ATP11C: variants seen among roughly 807,000 people sequenced by gnomAD.
ATP11C encodes phospholipid-transporting ATPase IG.
A neutral mutation model predicts 97.4 loss-of-function variants in ATP11C; 36 were observed. The observed-to-expected ratio is 0.37, with a 90% CI of 0.28 to 0.49. The LOEUF (loss-of-function observed/expected upper bound fraction) is 0.49. ATP11C is among the 20% of genes least tolerant of loss of function. ATP11C has a pLI of 0.98. For synonymous variants in ATP11C, 275 were observed against 290.9 expected (o/e 0.95, Z 0.56); for missense variants, 730 against 824.6 (o/e 0.89, Z 1.40).
In ATP11C at chrX:139,888,229, GT is replaced by G. The variant is rs111331719; in HGVS notation, c.27+43786del. On this transcript the variant is annotated intron_variant, in intron 1 of 29. Transcript: ENST00000682941. ...GCTCATTGCAACCTCTGCCTCCCGG[GT>G]TCAGGTGATTCTCCTGCCTCAGCCT... 2.8e-3 allele frequency among the ~76,000 whole-genome samples: 303 copies of G among 107,527 alleles called. 2 individuals carry two copies. Among genetic ancestry groups the G allele is most frequent in the African/African-American group, 8.7e-3 (256 of 29,549 alleles). The allele number at this position is 107,527 out of a possible 115,157, so 93.4% of individuals were successfully genotyped here.
chrX:139,779,507 G>A (rs1484413501), intron 18 of ATP11C, among the ~76,000 whole-genome samples: 2 of 111,739 alleles, frequency 1.8e-5, no homozygotes, highest in African/African-American at 3.3e-5. Context: ...ATGAAATTAA[G>A]GCAGAAACCA....
At chrX:139,888,372 AT>A (rs1338111838) in intron 1 of ATP11C, among the ~76,000 whole-genome samples, 1 of 110,623 alleles carries the variant, frequency 9.0e-6, no homozygotes, top group Non-Finnish European at 1.9e-5. Context: ...ACCTCAAGTA[AT>A]CTGCCCACCT....
At chrX:139,860,036 C>T (rs1250227871) in intron 1 of ATP11C, among the ~76,000 whole-genome samples, 2 of 69,882 alleles carry the variant, frequency 2.9e-5, no homozygotes, top group Non-Finnish European at 4.2e-5. Flanking sequence ...ACCCGGGAGG[C>T]GGAGCTTGCA....
At chrX:139,861,981 C>G (rs1319743354) in intron 1 of ATP11C, among the ~76,000 whole-genome samples, 4 of 111,739 alleles carry the variant, frequency 3.6e-5, no homozygotes, top group African/African-American at 1.3e-4. Context: ...GGACCCTGTC[C>G]CATACCCTAA....
intron 1 of ATP11C, among the ~76,000 whole-genome samples, chrX:139,871,099 G>A (rs1569483432): frequency 1.8e-5 from 2 of 108,182 alleles, no homozygotes; most frequent in South Asian, 4.0e-4. Flanking sequence ...CACGCACTGT[G>A]TATATGTGTG....
At chrX:139,781,153 A>T (rs1462922952) in intron 18 of ATP11C, among the ~76,000 whole-genome samples, 1 of 111,866 alleles carries the variant, frequency 8.9e-6, no homozygotes, top group Non-Finnish European at 1.9e-5. Context: ...AAAGACGACA[A>T]GAGAAAAACG....
At chrX:139,881,383 C>A (rs1298263174) in intron 1 of ATP11C, among the ~76,000 whole-genome samples, 1 of 111,060 alleles carries the variant, frequency 9.0e-6, no homozygotes, top group Admixed American at 9.6e-5. Context: ...TGGGCTGTAT[C>A]TCCAGTTGCT....
At chrX:139,896,923 G>C (rs2084819044) in intron 1 of ATP11C, among the ~76,000 whole-genome samples, 1 of 111,056 alleles carries the variant, frequency 9.0e-6, no homozygotes, top group African/African-American at 3.3e-5. Flanking sequence ...TCTAATGTAA[G>C]ATGTTAATAA....
intron 1 of ATP11C, among the ~76,000 whole-genome samples, chrX:139,853,085 G>C (rs1334835471): frequency 9.0e-6 from 1 of 111,396 alleles, no homozygotes; most frequent in Non-Finnish European, 1.9e-5. Flanking sequence ...CAGGCAAGGC[G>C]AGACATCCCT....
At chrX:139,918,852 C>A (rs1195322758) in intron 1 of ATP11C, among the ~76,000 whole-genome samples, 4 of 110,962 alleles carry the variant, frequency 3.6e-5, no homozygotes, top group Non-Finnish European at 5.7e-5. Flanking sequence ...TGAAAAAGTT[C>A]TAGAGATCTG....
intron 1 of ATP11C, chrX:139,832,169 G>A: frequency 8.3e-7 from 1 of 1,209,210 alleles, no homozygotes; most frequent in Non-Finnish European, 1.1e-6. Context: ...AGGCTGGAGG[G>A]AGAGATGGGA....
chrX:139,824,547 C>T (rs1013150189), intron 2 of ATP11C, among the ~76,000 whole-genome samples: 2 of 110,939 alleles, frequency 1.8e-5, no homozygotes, highest in Admixed American at 9.6e-5. Flanking sequence ...ATTAGCCGGG[C>T]GTGGTGGTGG....
At chrX:139,816,825 G>T in intron 4 of ATP11C, 38 bp downstream of exon 4, 1 of 966,849 alleles carries the variant, frequency 1.0e-6, no homozygotes, top group South Asian at 2.0e-5. Flanking sequence ...AACAAGCCTG[G>T]ACTGAAATGC....
chrX:139,819,738 G>C (rs1310374891), intron 2 of ATP11C, among the ~76,000 whole-genome samples: 1 of 112,227 alleles, frequency 8.9e-6, no homozygotes, highest in Non-Finnish European at 1.9e-5. Context: ...ATACTTACTT[G>C]ATAACACTTA....
intron 15 of ATP11C, among the ~76,000 whole-genome samples, chrX:139,785,882 T>C (rs2082561897): frequency 9.0e-6 from 1 of 111,045 alleles, no homozygotes; most frequent in South Asian, 3.9e-4. Flanking sequence ...GCAAGGGTAA[T>C]ATGATGAAGA....
intron 1 of ATP11C, among the ~76,000 whole-genome samples, chrX:139,891,961 A>G (rs1430635521): frequency 9.0e-6 from 1 of 110,681 alleles, no homozygotes; most frequent in Non-Finnish European, 1.9e-5. Context: ...GGTTCAAGCA[A>G]TTCTCATGCC....
chrX:139,749,966 TA>T (rs2081775702), intron 24 of ATP11C, 58 bp downstream of exon 24: 3 of 1,087,272 alleles, frequency 2.8e-6, no homozygotes, highest in Admixed American at 4.5e-5. Context: ...CATCTGCAGA[TA>T]AAATGAAAAT....
intron 1 of ATP11C, among the ~76,000 whole-genome samples, chrX:139,855,678 A>T (rs1234496595): frequency 1.8e-5 from 2 of 112,271 alleles, no homozygotes; most frequent in African/African-American, 6.5e-5. Context: ...TAACCAAGTC[A>T]ATTTTGCCTC....
intron 1 of ATP11C, among the ~76,000 whole-genome samples, chrX:139,896,508 A>AGGAAATC (rs1334402504): frequency 9.2e-6 from 1 of 108,465 alleles, no homozygotes; most frequent in East Asian, 2.9e-4. Context: ...AGAAATACTA[A>AGGAAATC]GGAAATCTGA....
Sources: gnomAD v4.1 joint callset for allele counts (sites outside exome capture counted in the v4.1 genomes callset) on GRCh38, gnomAD v4.1.1 for gene constraint, MANE v1.5 for transcripts, NCBI Gene and HGNC (gene_info 2026-07-23, HGNC 2026-07-21) for gene names.